TPST1: variants seen among roughly 807,000 people sequenced by gnomAD.
TPST1 encodes protein-tyrosine sulfotransferase 1.
Under a neutral mutation model 34.8 loss-of-function variants are expected in TPST1, and 20 were observed. That is an observed-to-expected ratio of 0.57 (90% confidence interval 0.40 to 0.84). The LOEUF (loss-of-function observed/expected upper bound fraction) is 0.84. TPST1 is among the 40% of genes least tolerant of loss of function. TPST1 has a pLI of 0.00. For synonymous variants in TPST1, 152 were observed against 159.4 expected (o/e 0.95, Z 0.35); for missense variants, 353 against 455.5 (o/e 0.78, Z 2.05).
chr7:66,269,788 A>C (rs988659643), intron 2 of TPST1, among the ~76,000 whole-genome samples: 2 of 152,188 alleles, frequency 1.3e-5, no homozygotes, highest in African/African-American at 4.8e-5. Flanking sequence ...GGAGGTTGCC[A>C]AGAGCTGGGA....
chr7:66,357,901 T>C (rs188725460), intron 5 of TPST1, among the ~76,000 whole-genome samples: 17 of 152,240 alleles, frequency 1.1e-4, no homozygotes, highest in East Asian at 3.9e-4. Flanking sequence ...CTGGCCAACA[T>C]AGTGAAACCT....
intron 2 of TPST1, among the ~76,000 whole-genome samples, chr7:66,249,194 GT>G (rs1247897340): frequency 1.3e-5 from 2 of 150,896 alleles, no homozygotes; most frequent in African/African-American, 2.4e-5. Flanking sequence ...GAAGATTCCT[GT>G]TTTTTTTAAA....
intron 2 of TPST1, among the ~76,000 whole-genome samples, chr7:66,255,816 C>CT (rs1265235394): frequency 2.0e-5 from 3 of 151,792 alleles, no homozygotes; most frequent in Non-Finnish European, 4.4e-5. Flanking sequence ...GGTCATTGTA[C>CT]TTTTAGTACT....
chr7:66,236,326 A>C (rs1584160605), intron 1 of TPST1, among the ~76,000 whole-genome samples: 1 of 152,132 alleles, frequency 6.6e-6, no homozygotes, highest in Non-Finnish European at 1.5e-5. Flanking sequence ...GTAAGCTTGC[A>C]CTTAAATCCC....
intron 1 of TPST1, among the ~76,000 whole-genome samples, chr7:66,217,590 A>G (rs62465546): frequency 0.037 from 5,532 of 151,454 alleles, 161 homozygotes; most frequent in East Asian, 0.085. Flanking sequence ...TTATTTATTT[A>G]TTTGTTTGTT....
At chr7:66,237,584 T>C (rs1418995586) in intron 1 of TPST1, among the ~76,000 whole-genome samples, 1 of 152,112 alleles carries the variant, frequency 6.6e-6, no homozygotes, top group Admixed American at 6.6e-5. Context: ...ACCAAACCCC[T>C]GTGTTAGGGT....
chr7:66,302,946 C>T (rs1326416843), intron 3 of TPST1, among the ~76,000 whole-genome samples: 1 of 152,118 alleles, frequency 6.6e-6, no homozygotes, highest in African/African-American at 2.4e-5. Flanking sequence ...AACCACACCA[C>T]AGTGCCTCCC....
In TPST1 at chr7:66,344,823, A is replaced by G. The variant is rs542024599; in HGVS notation, c.1045-7682A>G. On this transcript the variant is annotated intron_variant, in intron 3 of 5. Coordinates refer to ENST00000304842, the MANE Select transcript of TPST1 (RefSeq NM_003596.4). ...ACTGCAAGCTCCGCCTCCTGGGTTC[A>G]TGCCATTCTTCTGCCTCAGCCTCCC... Among the ~76,000 whole-genome samples the G allele has an allele frequency of 2.0e-5, 3 of 149,264 alleles. No homozygotes were observed. The East Asian group carries it at 5.9e-4, about 30-fold the overall frequency.
intron 3 of TPST1, among the ~76,000 whole-genome samples, chr7:66,314,347 C>T (rs1461245777): frequency 6.6e-6 from 1 of 152,122 alleles, no homozygotes; most frequent in Non-Finnish European, 1.5e-5. Flanking sequence ...CCAGCCTGGG[C>T]AACATAGGGA....
chr7:66,216,628 C>A (rs1789416256), intron 1 of TPST1, among the ~76,000 whole-genome samples: 1 of 152,052 alleles, frequency 6.6e-6, no homozygotes, highest in Non-Finnish European at 1.5e-5. Context: ...TGCCACCACG[C>A]CCAGCTAATT....
intron 3 of TPST1, among the ~76,000 whole-genome samples, chr7:66,328,556 G>A (rs966453185): frequency 6.7e-6 from 1 of 150,078 alleles, no homozygotes; most frequent in Non-Finnish European, 1.5e-5. Flanking sequence ...TTTTTTTGTT[G>A]TTTTTTTTGA....
chr7:66,328,886 CTATA>C (rs1554354127), intron 3 of TPST1, among the ~76,000 whole-genome samples: 4 of 22,096 alleles, frequency 1.8e-4, no homozygotes, highest in African/African-American at 4.7e-4. Context: ...CTCTCTCTCT[CTATA>C]TATATATATA....
At chr7:66,326,333 T>C (rs1165694732) in intron 3 of TPST1, among the ~76,000 whole-genome samples, 1 of 152,188 alleles carries the variant, frequency 6.6e-6, no homozygotes, top group African/African-American at 2.4e-5. Flanking sequence ...GAATGCCCTG[T>C]GAGCTCAGAG....
intron 1 of TPST1, among the ~76,000 whole-genome samples, chr7:66,239,614 G>T (rs1051805225): frequency 6.6e-6 from 1 of 152,180 alleles, no homozygotes; most frequent in Admixed American, 6.5e-5. Context: ...TGGAGATAAT[G>T]ACTGCTTGGA....
intron 2 of TPST1, among the ~76,000 whole-genome samples, chr7:66,243,610 A>ATT (rs10627680): frequency 0.022 from 2,687 of 123,338 alleles, 138 homozygotes; most frequent in African/African-American, 0.064. Flanking sequence ...TGCCCAGCTA[A>ATT]TTTTTTTTTT....
At chr7:66,231,733 C>A (rs1789800381) in intron 1 of TPST1, among the ~76,000 whole-genome samples, 1 of 152,246 alleles carries the variant, frequency 6.6e-6, no homozygotes, top group African/African-American at 2.4e-5. Flanking sequence ...TCCACACCAC[C>A]CTGCAAGCTG....
chr7:66,236,033 A>G (rs904973190), intron 1 of TPST1, among the ~76,000 whole-genome samples: 2 of 152,132 alleles, frequency 1.3e-5, no homozygotes, highest in African/African-American at 4.8e-5. Context: ...TTACACTTCA[A>G]TACAGCTTTT....
chr7:66,216,809 T>A (rs547674947), intron 1 of TPST1, among the ~76,000 whole-genome samples: 2 of 152,362 alleles, frequency 1.3e-5, no homozygotes, highest in South Asian at 2.1e-4. Flanking sequence ...GAAAGTTAGG[T>A]TGTTGATTTG....
At chr7:66,294,599 T>TAA (rs1554349607) in intron 3 of TPST1, among the ~76,000 whole-genome samples, 6 of 151,780 alleles carry the variant, frequency 4.0e-5, no homozygotes, top group Admixed American at 2.6e-4. Flanking sequence ...TTTACACTTT[T>TAA]TATATATATA....
Sources: allele counts gnomAD v4.1 joint callset (sites outside exome capture counted in the v4.1 genomes callset), GRCh38; gene constraint gnomAD v4.1.1; transcripts MANE v1.5; gene names NCBI Gene and HGNC (gene_info 2026-07-23, HGNC 2026-07-21).